GLCE: variants seen among roughly 807,000 people sequenced by gnomAD.
GLCE encodes D-glucuronyl C5-epimerase.
GLCE carries 19 observed loss-of-function variants against 47.9 expected under a neutral mutation model. The ratio of observed to expected loss-of-function variants is 0.40; its 90% CI spans 0.28 to 0.58. GLCE has a LOEUF of 0.58. Ranked by LOEUF, GLCE falls within the 20% of genes least tolerant of loss-of-function variation. The probability of loss-of-function intolerance (pLI) is 0.48; values close to 1 mark genes in which losing one functional copy is unlikely to be tolerated. For synonymous variants in GLCE, 245 were observed against 263.4 expected (o/e 0.93, Z 0.68); for missense variants, 556 against 743.3 (o/e 0.75, Z 2.93).
intron 4 of GLCE, among the ~76,000 whole-genome samples, chr15:69,266,307 T>A (rs1160704696): frequency 6.6e-6 from 1 of 152,078 alleles, no homozygotes; most frequent in Non-Finnish European, 1.5e-5. Context: ...GTATACACTA[T>A]CATCAGTTCA....
intron 1 of GLCE, among the ~76,000 whole-genome samples, chr15:69,206,933 T>C (rs1467022923): frequency 6.6e-6 from 1 of 152,084 alleles, no homozygotes; most frequent in Admixed American, 6.6e-5. Context: ...CTGTACCTAT[T>C]TGTATTATAT....
At chr15:69,204,799 T>C (rs1362421241) in intron 1 of GLCE, among the ~76,000 whole-genome samples, 1 of 152,108 alleles carries the variant, frequency 6.6e-6, no homozygotes, top group African/African-American at 2.4e-5. Flanking sequence ...TCAGACTCCT[T>C]TGCAGGTGAT....
At chr15:69,249,919 A>G (rs1023908456) in intron 2 of GLCE, among the ~76,000 whole-genome samples, 2 of 152,134 alleles carry the variant, frequency 1.3e-5, no homozygotes, top group Non-Finnish European at 2.9e-5. Flanking sequence ...ATTTTTAACT[A>G]TTTCTACAAA....
chr15:69,265,819 T>C (rs1331466576), intron 4 of GLCE, among the ~76,000 whole-genome samples: 1 of 152,180 alleles, frequency 6.6e-6, no homozygotes, highest in African/African-American at 2.4e-5. Context: ...GATGGGTCAT[T>C]GTTATCCAGT....
chr15:69,220,342 A>G lies in GLCE; in HGVS notation c.-14+9936A>G, dbSNP rs576139406. On this transcript the variant is annotated intron_variant, in intron 2 of 4. Transcript: ENST00000261858. The stretch of plus-strand genomic sequence containing the variant: ...ACCATTTTGTTTTTCTTATTTTTTA[A>G]ATTTATTTTTCTTTCTTTTATACAA... Among the ~76,000 whole-genome samples, 4 of 152,050 alleles carry G rather than the reference A, an allele frequency of 2.6e-5. No individual in the cohort carries two copies. In the East Asian group the frequency reaches 7.7e-4, roughly 29 times the overall value.
At chr15:69,234,445 G>A (rs1035075617) in intron 2 of GLCE, among the ~76,000 whole-genome samples, 3 of 152,034 alleles carry the variant, frequency 2.0e-5, no homozygotes, top group African/African-American at 7.2e-5. Context: ...TTTTACCTTT[G>A]TAAATAATCC....
In GLCE at chr15:69,268,213, C is replaced by G; in HGVS notation, c.830-7C>G. The G allele has an allele frequency of 6.4e-7, 1 of 1,565,730 alleles. No individual in the cohort carries two copies. On this transcript the variant is annotated splice_polypyrimidine_tract_variant and splice_region_variant and intron_variant, in intron 4 of 4. Transcript: ENST00000261858. ...ACCAGTCTTTGTTGGTATATTCTCCCCTACAGAAACCAGTGAAGGTGTATC... is the reference window on the plus strand; with the variant it reads ...ACCAGTCTTTGTTGGTATATTCTCCGCTACAGAAACCAGTGAAGGTGTATC...
chr15:69,175,393 G>A (rs903995855), intron 1 of GLCE, among the ~76,000 whole-genome samples: 12 of 152,046 alleles, frequency 7.9e-5, no homozygotes, highest in Admixed American at 3.9e-4. Flanking sequence ...ATTTCAAAAC[G>A]AAATTTCTTT....
At chr15:69,183,373 A>C (rs1475265442) in intron 1 of GLCE, among the ~76,000 whole-genome samples, 1 of 152,210 alleles carries the variant, frequency 6.6e-6, no homozygotes, top group African/African-American at 2.4e-5. Context: ...ATTGTCTGGA[A>C]TGGGCAACTA....
chr15:69,182,385 A>AAGAGAG (rs148023337), intron 1 of GLCE, among the ~76,000 whole-genome samples: 2 of 144,118 alleles, frequency 1.4e-5, no homozygotes, highest in Non-Finnish European at 3.1e-5. Flanking sequence ...ATTGCGCTGA[A>AAGAGAG]AGAGAGAGAG....
chr15:69,202,191 A>C (rs2052085431), intron 1 of GLCE, among the ~76,000 whole-genome samples: 2 of 152,032 alleles, frequency 1.3e-5, no homozygotes, highest in African/African-American at 4.8e-5. Context: ...AAATGATGGG[A>C]TTATAGGCAT....
At chr15:69,249,084 T>C (rs1220320158) in intron 2 of GLCE, among the ~76,000 whole-genome samples, 1 of 152,176 alleles carries the variant, frequency 6.6e-6, no homozygotes, top group African/African-American at 2.4e-5. Context: ...TGAGAACTGG[T>C]ATTTTAGATA....
intron 2 of GLCE, among the ~76,000 whole-genome samples, chr15:69,232,641 A>G (rs2052540866): frequency 6.6e-6 from 1 of 152,188 alleles, no homozygotes; most frequent in Admixed American, 6.5e-5. Flanking sequence ...GAACCATTAT[A>G]CTTCCTAAAC....
intron 1 of GLCE, among the ~76,000 whole-genome samples, chr15:69,166,526 A>C (rs1308673424): frequency 6.6e-6 from 1 of 152,208 alleles, no homozygotes; most frequent in Non-Finnish European, 1.5e-5. Flanking sequence ...ATGAGGAAGC[A>C]CACATGCAAG....
chr15:69,262,808 T>G (rs915236879), intron 4 of GLCE, among the ~76,000 whole-genome samples: 8 of 152,182 alleles, frequency 5.3e-5, no homozygotes, highest in African/African-American at 1.9e-4. Flanking sequence ...AAGTTGGAAC[T>G]CCCTGTTGGT....
At chr15:69,251,766 A>G (rs78703386) in intron 2 of GLCE, among the ~76,000 whole-genome samples, 1,525 of 152,240 alleles carry the variant, frequency 0.01, 23 homozygotes, top group African/African-American at 0.032. Flanking sequence ...GTTTCAGTCT[A>G]CTTCACTCAT....
chr15:69,232,515 T>A (rs2052539553), intron 2 of GLCE, among the ~76,000 whole-genome samples: 1 of 152,184 alleles, frequency 6.6e-6, no homozygotes, highest in Non-Finnish European at 1.5e-5. Flanking sequence ...GAGTTATTTG[T>A]CATGAAAATA....
chr15:69,218,181 A>G (rs369552958), intron 2 of GLCE, among the ~76,000 whole-genome samples: 1 of 147,988 alleles, frequency 6.8e-6, no homozygotes, highest in Non-Finnish European at 1.5e-5. Context: ...GGAAATTCAC[A>G]CTTTTATCAA....
At chr15:69,166,101 A>C (rs1157034387) in intron 1 of GLCE, among the ~76,000 whole-genome samples, 1 of 152,248 alleles carries the variant, frequency 6.6e-6, no homozygotes, top group Non-Finnish European at 1.5e-5. Context: ...CTTGGACATC[A>C]TTATTTGGTA....
Sources: gnomAD v4.1 joint callset for allele counts (sites outside exome capture counted in the v4.1 genomes callset) on GRCh38, gnomAD v4.1.1 for gene constraint, MANE v1.5 for transcripts, NCBI Gene and HGNC (gene_info 2026-07-23, HGNC 2026-07-21) for gene names.